The following BCAS3 variants were observed in gnomAD, a reference collection of about 807,000 sequenced individuals.
The protein encoded by BCAS3 is BCAS4/BCAS3 fusion.
In BCAS3, 53 loss-of-function variants were observed where a neutral mutation model predicts 116.1. The ratio of observed to expected loss-of-function variants is 0.46; its 90% CI spans 0.37 to 0.57. The LOEUF is 0.57. Among genes scored for constraint, BCAS3 ranks in the 20% least tolerant of loss-of-function variants. The pLI, the probability that BCAS3 is intolerant of heterozygous loss-of-function variation, is 0.00. For synonymous variants in BCAS3, 391 were observed against 408.2 expected, an observed-to-expected ratio of 0.96 and a Z score of 0.51; for missense variants, 917 against 1,165.4, an observed-to-expected ratio of 0.79 and a Z score of 3.10.
intron 6 of BCAS3, among the ~76,000 whole-genome samples, chr17:60,799,524 GTTT>G (rs869112996): frequency 9.8e-6 from 1 of 102,378 alleles, no homozygotes; most frequent in Non-Finnish European, 2.0e-5. Context: ...ATTAGTGTTT[GTTT>G]TTTTTTTTTT....
In BCAS3 at chr17:61,217,517, C is replaced by A. The variant is rs1382423068; in HGVS notation, c.2425+132953C>A. ...TAAATTATAGGAAATCTTTCTTGAA[C>A]AAGATAAACAGGAACTAAGAGCAGA... On this transcript the variant is annotated intron_variant, in intron 22 of 23. Transcript: ENST00000407086. This position sits in a 1 kb window ranked among gnomAD's most constrained non-coding sequence, Gnocchi z 5.2. Among the ~76,000 whole-genome samples the A allele has an allele frequency of 6.6e-6, 1 of 152,086 alleles. No homozygotes were observed. The highest frequency in any genetic ancestry group is 1.9e-4 in the East Asian group (1 of 5,188).
rs138342865 is a variant in BCAS3, at chr17:61,212,264, G to A, written c.2425+127700G>A. Among the ~76,000 whole-genome samples, 602 of 152,060 alleles carry A rather than the reference G, an allele frequency of 4.0e-3. 6 individuals carry two copies. Among genetic ancestry groups the A allele is most frequent in the African/African-American group, 0.014 (564 of 41,452 alleles). On this transcript the variant is annotated intron_variant, in intron 22 of 23. Coordinates refer to ENST00000407086, the MANE Select transcript of BCAS3 (RefSeq NM_017679.5). ...TTACGTATTTATTTTCAGAAATAGC[G>A]TCTCCGTCTGTCACCCAGGCTGGAG...
At chr17:61,237,404 C>T (rs781309685) in intron 22 of BCAS3, among the ~76,000 whole-genome samples, 3 of 152,164 alleles carry the variant, frequency 2.0e-5, no homozygotes, top group East Asian at 1.9e-4. Context: ...AGGACAGAAA[C>T]GGAACATGGG....
rs2056794601 is a variant in BCAS3 at position 61,337,220 on chromosome 17, G to C, written c.2426-31107G>C. ...TAAATCGCCTCACCCGAGTGGAACA[G>C]GGACGTGAGCCATGTCAGTGTCTGT... On this transcript the variant is annotated intron_variant, in intron 22 of 23. Transcript: ENST00000407086. This position sits in a 1 kb window ranked among gnomAD's most constrained non-coding sequence, Gnocchi z 4.8. Among the ~76,000 whole-genome samples, 1 of 152,194 alleles carries C rather than the reference G, an allele frequency of 6.6e-6. No homozygotes were observed. Among genetic ancestry groups the C allele is most frequent in the South Asian group, 2.1e-4 (1 of 4,828 alleles).
intron 7 of BCAS3, among the ~76,000 whole-genome samples, chr17:60,848,961 C>G (rs1256394944): frequency 1.3e-5 from 2 of 151,802 alleles, no homozygotes; most frequent in African/African-American, 4.9e-5. Flanking sequence ...TGAGATGAGC[C>G]AGAGGCTCAG....
At chr17:60,841,352 A>G (rs1209666071) in intron 7 of BCAS3, among the ~76,000 whole-genome samples, 1 of 151,478 alleles carries the variant, frequency 6.6e-6, no homozygotes, top group African/African-American at 2.4e-5. Flanking sequence ...CATATTTAGC[A>G]TATTAGAACA....
intron 12 of BCAS3, among the ~76,000 whole-genome samples, chr17:60,923,723 A>G (rs1336291220): frequency 6.6e-6 from 1 of 152,198 alleles, no homozygotes; most frequent in Admixed American, 6.5e-5. Context: ...GGGAAATTAT[A>G]TGGAATGTAA....
intron 22 of BCAS3, among the ~76,000 whole-genome samples, chr17:61,089,751 C>G (rs1453625336): frequency 6.6e-6 from 1 of 151,648 alleles, no homozygotes; most frequent in South Asian, 2.1e-4. Context: ...AGGCTAGTCT[C>G]GAACTTCTGA....
At position 61,063,660 on chromosome 17, in the gene BCAS3, T is replaced by G. The variant is rs995555541; in HGVS notation, c.2030-11260T>G. 1.3e-5 allele frequency among the ~76,000 whole-genome samples: 2 copies of G among 152,242 alleles called. No homozygotes were observed. The highest frequency in any genetic ancestry group is 3.2e-3 in the Middle Eastern group (1 of 316). On this transcript the variant is annotated intron_variant, in intron 19 of 23. Transcript: ENST00000407086. This position sits in a 1 kb window ranked among gnomAD's most constrained non-coding sequence, Gnocchi z 5.3. ...GCTTTGCTGTAGTCTGCAGCTGATC[T>G]GGGTGCAATGCTTTAGGCACCCATT...
At chr17:61,069,835 A>G (rs985185352) in intron 19 of BCAS3, 5 of 95,970 alleles carry the variant, frequency 5.2e-5, no homozygotes, top group Non-Finnish European at 8.8e-5. Flanking sequence ...GACCCTGTGT[A>G]AAAAAAAAAA....
At chr17:61,147,184 C>T (rs2077270337) in intron 22 of BCAS3, among the ~76,000 whole-genome samples, 1 of 152,108 alleles carries the variant, frequency 6.6e-6, no homozygotes, top group South Asian at 2.1e-4. Context: ...AAGCGATTCT[C>T]GTGCCTTAGC....
intron 22 of BCAS3, among the ~76,000 whole-genome samples, chr17:61,207,813 T>C (rs1045279867): frequency 1.3e-5 from 2 of 151,968 alleles, no homozygotes; most frequent in Non-Finnish European, 2.9e-5. Context: ...TTTCTTAGAG[T>C]TGTGAGATTT....
At chr17:60,697,853 A>C (rs1237104304) in intron 4 of BCAS3, among the ~76,000 whole-genome samples, 2 of 152,092 alleles carry the variant, frequency 1.3e-5, no homozygotes, top group African/African-American at 4.8e-5. Flanking sequence ...CGTAAAGTTC[A>C]GATTTAGAGG....
At chr17:61,340,996 C>G (rs544679201) in intron 22 of BCAS3, among the ~76,000 whole-genome samples, 2 of 152,024 alleles carry the variant, frequency 1.3e-5, no homozygotes, top group African/African-American at 4.8e-5. Context: ...TGGAGAAGGG[C>G]GCTGGAAGGG....
At chr17:61,360,005 C>CTTT (rs1274797307) in intron 22 of BCAS3, among the ~76,000 whole-genome samples, 1 of 58,950 alleles carries the variant, frequency 1.7e-5, no homozygotes, top group African/African-American at 4.4e-5. Flanking sequence ...CCTCCCATAA[C>CTTT]TTTTCTTTTT....
In BCAS3 at chr17:61,083,205, T is replaced by G. The variant is rs1412773605; in HGVS notation, c.2328-1262T>G. Among the ~76,000 whole-genome samples, 1 of 152,230 alleles carries G rather than the reference T, an allele frequency of 6.6e-6. No homozygotes were observed. Among genetic ancestry groups the G allele is most frequent in the African/African-American group, 2.4e-5 (1 of 41,468 alleles). ...ATCCCTGTTCCAGCTCTGCAAGATC[T>G]CTAACTGATGTGGACCCTGCATGTA... On this transcript the variant is annotated intron_variant, in intron 21 of 23. Coordinates refer to ENST00000407086, the MANE Select transcript of BCAS3 (RefSeq NM_017679.5). This position sits in a 1 kb window ranked among gnomAD's most constrained non-coding sequence, Gnocchi z 4.9.
At position 61,330,380 on chromosome 17, in the gene BCAS3, T is replaced by C. The variant is rs145109646; in HGVS notation, c.2426-37947T>C. 2.2e-4 allele frequency among the ~76,000 whole-genome samples: 34 copies of C among 152,218 alleles called. No individual in the cohort carries two copies. The East Asian group carries it at 6.4e-3, about 29-fold the overall frequency. ...CTTAAGTGATCCTCTGGCCTCAGCC[T>C]CCCAAAGCACTGGGATTACAGGCAT... On this transcript the variant is annotated intron_variant, in intron 22 of 23. Coordinates refer to ENST00000407086, the MANE Select transcript of BCAS3 (RefSeq NM_017679.5).
intron 22 of BCAS3, among the ~76,000 whole-genome samples, chr17:61,345,839 G>A (rs2057473875): frequency 6.6e-6 from 1 of 152,110 alleles, no homozygotes; most frequent in Admixed American, 6.5e-5. Context: ...GGCTCCTTGA[G>A]GCCAAACAGC....
At chr17:60,764,120 T>G (rs993403324) in intron 6 of BCAS3, among the ~76,000 whole-genome samples, 2 of 151,984 alleles carry the variant, frequency 1.3e-5, no homozygotes, top group Non-Finnish European at 2.9e-5. Context: ...GTCTATCAAT[T>G]TTGTTATCTT....
Sources: gnomAD v4.1 joint callset for allele counts (sites outside exome capture counted in the v4.1 genomes callset) on GRCh38, gnomAD v4.1.1 for gene constraint, Gnocchi (gnomAD v3.1) non-coding constraint, MANE v1.5 for transcripts, NCBI Gene and HGNC (gene_info 2026-07-23, HGNC 2026-07-21) for gene names.